The following UGT8 variants were observed in gnomAD, a reference collection of about 807,000 sequenced individuals.
UGT8 encodes 2-hydroxyacylsphingosine 1-beta-galactosyltransferase.
A neutral mutation model predicts 40.5 loss-of-function variants in UGT8; 12 were observed. That is an observed-to-expected ratio of 0.30 (90% CI 0.19 to 0.48). The LOEUF is 0.48. Ranked by LOEUF, UGT8 falls within the 20% of genes least tolerant of loss-of-function variation. The probability of loss-of-function intolerance (pLI) is 0.99; values close to 1 mark genes in which losing one functional copy is unlikely to be tolerated. For synonymous variants in UGT8, 224 were observed against 240.4 expected (o/e 0.93, Z 0.63); for missense variants, 513 against 648.7 (o/e 0.79, Z 2.27).
chr4:114,632,825 C>T (rs77305820), intron 2 of UGT8, among the ~76,000 whole-genome samples: 9,392 of 152,160 alleles, frequency 0.062, 388 homozygotes, highest in East Asian at 0.14. Flanking sequence ...TTTGAATTAA[C>T]GTAATCCGAA....
chr4:114,634,908 G>A (rs185305015), intron 2 of UGT8, among the ~76,000 whole-genome samples: 11 of 152,122 alleles, frequency 7.2e-5, no homozygotes, highest in Admixed American at 3.9e-4. Flanking sequence ...TTCTTAAATC[G>A]TTCTTATTTC....
At chr4:114,661,895 C>T (rs753526833) in intron 2 of UGT8, among the ~76,000 whole-genome samples, 51 of 152,300 alleles carry the variant, frequency 3.3e-4, no homozygotes, top group Non-Finnish European at 5.9e-4. Context: ...TGCTTACATA[C>T]ACCATGTGTA....
chr4:114,655,043 C>T (rs1336527190), intron 2 of UGT8, among the ~76,000 whole-genome samples: 6 of 151,332 alleles, frequency 4.0e-5, no homozygotes, highest in Admixed American at 6.6e-5. Flanking sequence ...TACCAATTCC[C>T]GGTACCTAGT....
rs1735629138 is a variant in UGT8 at position 114,676,141 on chromosome 4, T to C, written c.1479T>C (p.Ser493=). 1 of 1,614,204 alleles carries C rather than the reference T, an allele frequency of 6.2e-7. No individual in the cohort carries two copies. The highest frequency in any genetic ancestry group is 8.5e-7 in the Non-Finnish European group (1 of 1,180,026). The change falls in exon 6 of 6, where the codon TCT becomes TCC. Residue 493 remains serine (S), a synonymous_variant. Transcript: ENST00000310836. The part of the protein sequence containing the change: ...LGAALLYFLL[S]WVTKFIYRKI... ...CTGCCTTGTTATACTTTCTCTTGTCTTGGGTGACAAAATTTATCTACAGAA... is the reference window on the plus strand; with the variant it reads ...CTGCCTTGTTATACTTTCTCTTGTCCTGGGTGACAAAATTTATCTACAGAA...
At chr4:114,609,511 C>T (rs1730920188) in intron 1 of UGT8, among the ~76,000 whole-genome samples, 1 of 152,054 alleles carries the variant, frequency 6.6e-6, no homozygotes, top group Non-Finnish European at 1.5e-5. Flanking sequence ...GGCTGTCCTG[C>T]TTTCTGCTTG....
At chr4:114,628,996 T>C (rs1018453183) in intron 2 of UGT8, among the ~76,000 whole-genome samples, 1 of 151,902 alleles carries the variant, frequency 6.6e-6, no homozygotes, top group African/African-American at 2.4e-5. Flanking sequence ...TAGAAGCCAT[T>C]ACTTCCTATT....
chr4:114,625,043 G>A (rs1286604276), intron 2 of UGT8, among the ~76,000 whole-genome samples: 1 of 152,050 alleles, frequency 6.6e-6, no homozygotes, highest in Non-Finnish European at 1.5e-5. Context: ...AAAAGATTTG[G>A]TAATCAAGGT....
At chr4:114,639,305 C>T (rs1413434388) in intron 2 of UGT8, among the ~76,000 whole-genome samples, 1 of 152,216 alleles carries the variant, frequency 6.6e-6, no homozygotes, top group Non-Finnish European at 1.5e-5. Flanking sequence ...CAGTCAGATA[C>T]TCGAAGAACC....
chr4:114,675,363 C>T (rs892565075), intron 5 of UGT8, among the ~76,000 whole-genome samples: 4 of 152,102 alleles, frequency 2.6e-5, no homozygotes, highest in Non-Finnish European at 5.9e-5. Context: ...AATTCTGGGT[C>T]TCAACTTTGT....
rs200319673 is a variant in UGT8, at chr4:114,636,525, T to TGTAAAGCA, written c.822+12824_822+12825insTAAAGCAG. On this transcript the variant is annotated intron_variant, in intron 2 of 5. Transcript: ENST00000310836. The stretch of plus-strand genomic sequence containing the variant: ...TCATTATAAGCATTTGTGCTGAATG[T>TGTAAAGCA]GGCAATATTTAACAAAATGTTTTAA... 7.2e-3 allele frequency among the ~76,000 whole-genome samples: 1,097 copies of TGTAAAGCA among 152,356 alleles called. 16 individuals carry two copies. Among genetic ancestry groups the TGTAAAGCA allele is most frequent in the African/African-American group, 0.024 (1,016 of 41,576 alleles).
At chr4:114,617,742 C>G (rs1275467677) in intron 1 of UGT8, among the ~76,000 whole-genome samples, 1 of 152,156 alleles carries the variant, frequency 6.6e-6, no homozygotes, top group Non-Finnish European at 1.5e-5. Context: ...GTGCCCTTAA[C>G]AGTAAGAATT....
chr4:114,612,133 C>G (rs1247805662), intron 1 of UGT8, among the ~76,000 whole-genome samples: 1 of 151,986 alleles, frequency 6.6e-6, no homozygotes, highest in South Asian at 2.1e-4. Context: ...AACCTAAACT[C>G]GTATCTTATT....
chr4:114,600,674 A>T (rs1298227349), intron 1 of UGT8, among the ~76,000 whole-genome samples: 1 of 152,170 alleles, frequency 6.6e-6, no homozygotes, highest in Non-Finnish European at 1.5e-5. Flanking sequence ...GTTAAGAGTA[A>T]CCATACTTTG....
chr4:114,659,842 A>G (rs1734409356), intron 2 of UGT8, among the ~76,000 whole-genome samples: 1 of 152,238 alleles, frequency 6.6e-6, no homozygotes, highest in African/African-American at 2.4e-5. Flanking sequence ...CATTGCAAAT[A>G]TAAAAATGTA....
In UGT8 at chr4:114,674,113, A is replaced by G. The variant is rs143805122; in HGVS notation, c.1263-1812A>G. Among the ~76,000 whole-genome samples the G allele has an allele frequency of 7.2e-3, 1,097 of 152,324 alleles. 15 individuals are homozygous for G. The highest frequency in any genetic ancestry group is 0.024 in the African/African-American group (1,016 of 41,572). On this transcript the variant is annotated intron_variant, in intron 5 of 5. Coordinates refer to ENST00000310836, the MANE Select transcript of UGT8 (RefSeq NM_001128174.3). ...TTAGGTCTAGAGTGAAATCATAAAA[A>G]ATAAAGGCTCATCAAATCAACTCAT...
Position 114,623,209 on chromosome 4 carries a change from A to G in UGT8, c.329A>G (p.Tyr110Cys). 1.2e-6 allele frequency: 2 copies of G among 1,614,164 alleles called. No individual in the cohort carries two copies. Among genetic ancestry groups the G allele is most frequent in the Non-Finnish European group, 1.7e-6 (2 of 1,180,020 alleles). ...GAACTGTTTGACATACTGGATCACT[A>G]TACTAAGAACTGTGACCTGATGGTT... ...AIELFDILDH[Y>C]TKNCDLMVGN... is the part of the protein sequence containing the mutation. Residue 110 changes from tyrosine to cysteine, a missense_variant, in exon 2 of 6, where the codon TAT (tyrosine) becomes TGT (cysteine). Around this residue, in one of 3 missense-constraint regions of UGT8, gnomAD observed 335 missense variants for 444.8 expected, o/e 0.75. Transcript: ENST00000310836.
At chr4:114,626,188 C>G (rs998874315) in intron 2 of UGT8, among the ~76,000 whole-genome samples, 1 of 152,114 alleles carries the variant, frequency 6.6e-6, no homozygotes. Context: ...GTTTTATATG[C>G]TTATGAACAC....
chr4:114,665,691 C>A lies in UGT8; in HGVS notation c.977C>A (p.Pro326His), dbSNP rs772729554. The A allele has an allele frequency of 1.2e-6, 2 of 1,604,254 alleles. No individual in the cohort carries two copies. Among genetic ancestry groups the A allele is most frequent in the Admixed American group, 3.4e-5 (2 of 58,386 alleles). Residue 326 changes from proline to histidine, a missense_variant, in exon 4 of 6, where the codon CCC becomes CAC. Pro to His is a moderately conservative substitution (Grantham distance 77, BLOSUM62 -2). Around this residue, in one of 3 missense-constraint regions of UGT8, gnomAD observed 335 missense variants for 444.8 expected, o/e 0.75. Transcript: ENST00000310836. Reference sequence around the variant, plus strand: ...GGTGTACATTTTAGGTTTTCTGGACCCAAACCAAAGAATCTAGGAAACAAC... The same window carrying A: ...GGTGTACATTTTAGGTTTTCTGGACACAAACCAAAGAATCTAGGAAACAAC... Reference protein sequence around the residue: ...PQKVIWRFSGPKPKNLGNNTK... With the variant: ...PQKVIWRFSGHKPKNLGNNTK...
chr4:114,609,219 C>T (rs1730901727), intron 1 of UGT8, among the ~76,000 whole-genome samples: 1 of 151,742 alleles, frequency 6.6e-6, no homozygotes, highest in South Asian at 2.1e-4. Context: ...CCATTGCACT[C>T]CAGCCTGGGC....
Sources: gnomAD v4.1 joint callset for allele counts (sites outside exome capture counted in the v4.1 genomes callset) on GRCh38, gnomAD v4.1.1 for gene constraint, gnomAD v4.1.1 regional missense constraint, MANE v1.5 for transcripts, NCBI Gene and HGNC (gene_info 2026-07-23, HGNC 2026-07-21) for gene names.